The following UMAD1 variants were observed in gnomAD, a reference collection of about 807,000 sequenced individuals.
The protein encoded by UMAD1 is UBAP1-MVB12-associated (UMA) domain containing 1.
A neutral mutation model predicts 6.1 loss-of-function variants in UMAD1; 8 were observed. The ratio of observed to expected loss-of-function variants is 1.30; its 90% CI spans 0.76 to 2.35. UMAD1 has a LOEUF of 2.35. Among genes scored for constraint, UMAD1 ranks in the 30% most tolerant of loss-of-function variants. The pLI is 0.00. For synonymous variants in UMAD1, 56 were observed against 31.4 expected (o/e 1.78, Z -2.61); for missense variants, 130 against 78.4 (o/e 1.66, Z -2.49).
At chr7:7,847,721 T>C (rs1177993229) in intron 3 of UMAD1, among the ~76,000 whole-genome samples, 3 of 152,136 alleles carry the variant, frequency 2.0e-5, no homozygotes, top group Admixed American at 2.0e-4. Flanking sequence ...GGGCACATTA[T>C]AGGGACTCAA....
At chr7:7,680,327 T>G (rs533368930) in intron 2 of UMAD1, among the ~76,000 whole-genome samples, 1 of 152,314 alleles carries the variant, frequency 6.6e-6, no homozygotes, top group South Asian at 2.1e-4. Flanking sequence ...CTTGGCACCC[T>G]TGTTGAAAAT....
At chr7:7,848,442 T>C (rs1783851684) in intron 3 of UMAD1, among the ~76,000 whole-genome samples, 1 of 152,152 alleles carries the variant, frequency 6.6e-6, no homozygotes, top group African/African-American at 2.4e-5. Flanking sequence ...GTTGATCTGG[T>C]GTCTAAAGTG....
chr7:7,845,241 T>C (rs1783761420), intron 3 of UMAD1, among the ~76,000 whole-genome samples: 1 of 152,094 alleles, frequency 6.6e-6, no homozygotes, highest in Non-Finnish European at 1.5e-5. Context: ...AAATAAAATA[T>C]ATTATTAAAA....
At chr7:7,748,880 C>T (rs1452469919) in intron 2 of UMAD1, among the ~76,000 whole-genome samples, 1 of 152,088 alleles carries the variant, frequency 6.6e-6, no homozygotes, top group Admixed American at 6.5e-5. Context: ...CAGGCAGGGT[C>T]ATCAGTAAAT....
intron 3 of UMAD1, among the ~76,000 whole-genome samples, chr7:7,854,744 C>A (rs1257916379): frequency 6.6e-6 from 1 of 152,164 alleles, no homozygotes; most frequent in Non-Finnish European, 1.5e-5. Context: ...TCATATCCTC[C>A]CAACAGTCCC....
intron 2 of UMAD1, among the ~76,000 whole-genome samples, chr7:7,760,608 G>A (rs16871555): frequency 0.066 from 10,030 of 152,042 alleles, 533 homozygotes; most frequent in African/African-American, 0.14. Flanking sequence ...ATGTAATTTA[G>A]CACTTATGGC....
chr7:7,777,510 A>AG (rs1782236224), intron 2 of UMAD1, among the ~76,000 whole-genome samples: 1 of 106,840 alleles, frequency 9.4e-6, no homozygotes, highest in African/African-American at 3.9e-5. Flanking sequence ...CATCTCAAAA[A>AG]AAAAAAAAAA....
At chr7:7,854,028 A>G (rs1037939176) in intron 3 of UMAD1, among the ~76,000 whole-genome samples, 2 of 152,168 alleles carry the variant, frequency 1.3e-5, no homozygotes, top group African/African-American at 2.4e-5. Context: ...TCACGTTGCC[A>G]TAAGGAAATA....
At chr7:7,842,453 G>A (rs2115316158) in intron 3 of UMAD1, among the ~76,000 whole-genome samples, 1 of 151,942 alleles carries the variant, frequency 6.6e-6, no homozygotes, top group East Asian at 1.9e-4. Flanking sequence ...ATGACACAAG[G>A]TCTTAAGATG....
chr7:7,769,495 A>G (rs746321524), intron 2 of UMAD1, among the ~76,000 whole-genome samples: 18 of 152,134 alleles, frequency 1.2e-4, no homozygotes, highest in Non-Finnish European at 2.5e-4. Flanking sequence ...CCCCACTGAC[A>G]GGATGGGCGT....
At chr7:7,693,331 C>CTATCTATG (rs1780225282) in intron 2 of UMAD1, among the ~76,000 whole-genome samples, 2 of 151,202 alleles carry the variant, frequency 1.3e-5, no homozygotes, top group South Asian at 4.1e-4. Context: ...ATCTATCTAT[C>CTATCTATG]TATCTACATT....
intron 3 of UMAD1, among the ~76,000 whole-genome samples, chr7:7,845,308 T>C (rs960969764): frequency 7.2e-5 from 11 of 152,092 alleles, no homozygotes; most frequent in African/African-American, 2.7e-4. Flanking sequence ...AATTTTAAAT[T>C]ACATATGTAG....
At chr7:7,827,993 A>T (rs1406716134) in intron 3 of UMAD1, among the ~76,000 whole-genome samples, 1 of 152,172 alleles carries the variant, frequency 6.6e-6, no homozygotes, top group Non-Finnish European at 1.5e-5. Context: ...CCACTATAAG[A>T]CCATTTTCAA....
At chr7:7,854,110 C>T (rs1783969816) in intron 3 of UMAD1, among the ~76,000 whole-genome samples, 2 of 151,986 alleles carry the variant, frequency 1.3e-5, no homozygotes, top group Non-Finnish European at 2.9e-5. Context: ...AATCCCAGCA[C>T]TTTGGGAGGC....
chr7:7,857,805 G>A (rs1357545124), intron 3 of UMAD1, among the ~76,000 whole-genome samples: 1 of 152,130 alleles, frequency 6.6e-6, no homozygotes. Flanking sequence ...CCAAAAAAAT[G>A]GTGTCCTCCA....
At chr7:7,789,920 T>C (rs569416477) in intron 2 of UMAD1, among the ~76,000 whole-genome samples, 2 of 152,340 alleles carry the variant, frequency 1.3e-5, no homozygotes, top group Admixed American at 1.3e-4. Flanking sequence ...TGGGTGTATG[T>C]TCAGATATTT....
chr7:7,760,794 T>C (rs1781873186), intron 2 of UMAD1, among the ~76,000 whole-genome samples: 2 of 152,188 alleles, frequency 1.3e-5, no homozygotes, highest in Admixed American at 1.3e-4. Flanking sequence ...GGACATGCTA[T>C]GAAGGGCCTT....
chr7:7,846,822 C>T (rs531848415), intron 3 of UMAD1, among the ~76,000 whole-genome samples: 13 of 144,448 alleles, frequency 9.0e-5, no homozygotes, highest in South Asian at 6.5e-4. Flanking sequence ...TTTGATCCAC[C>T]GCATATTCTC....
chr7:7,822,988 T>C (rs1783269538), intron 3 of UMAD1, among the ~76,000 whole-genome samples: 1 of 152,182 alleles, frequency 6.6e-6, no homozygotes, highest in South Asian at 2.1e-4. Flanking sequence ...AGTGCTAATA[T>C]GTGTCAATGA....
Sources: allele counts gnomAD v4.1 joint callset (sites outside exome capture counted in the v4.1 genomes callset), GRCh38; gene constraint gnomAD v4.1.1; transcripts MANE v1.5; gene names NCBI Gene and HGNC (gene_info 2026-07-23, HGNC 2026-07-21).